MYO9A: variants seen among roughly 807,000 people sequenced by gnomAD.
MYO9A encodes myosin IXA.
A neutral mutation model predicts 293.3 loss-of-function variants in MYO9A; 103 were observed. The ratio of observed to expected loss-of-function variants is 0.35; its 90% CI spans 0.30 to 0.41. MYO9A has a LOEUF of 0.41. MYO9A is among the 10% of genes least tolerant of loss of function. MYO9A has a pLI of 1.00. For synonymous variants in MYO9A, 1,001 were observed against 1,035.7 expected, an observed-to-expected ratio of 0.97 and a Z score of 0.64; for missense variants, 2,685 against 3,033.0, an observed-to-expected ratio of 0.89 and a Z score of 2.69.
chr15:71,949,180 T>C lies in MYO9A; in HGVS notation c.2302+2597A>G, dbSNP rs577940533. ...CGTATTTACCCTGCTTTGTGGTCACTGATCTTCCTGGATCTGTAAGCTAGT... is the reference window on the plus strand; with the variant it reads ...CGTATTTACCCTGCTTTGTGGTCACCGATCTTCCTGGATCTGTAAGCTAGT... On this transcript the variant is annotated intron_variant, in intron 15 of 41. Transcript: ENST00000356056. 4.6e-5 allele frequency among the ~76,000 whole-genome samples: 7 copies of C among 152,282 alleles called. No individual in the cohort carries two copies. The South Asian group carries it at 6.2e-4, about 14-fold the overall frequency.
rs760366720 is a variant in MYO9A at position 72,020,933 on chromosome 15, A to G, written c.1083T>C (p.Tyr361=). ...SAFHLKQPEE[Y]HYLNQITKKP... ...GAACTCTCACCTGATTGAGATAATGATATTCCTCTGGTTGCTTAAGATGGA... is the reference window on the plus strand; with the variant it reads ...GAACTCTCACCTGATTGAGATAATGGTATTCCTCTGGTTGCTTAAGATGGA... The change falls in exon 5 of 42, where the codon TAT becomes TAC. Residue 361 remains tyrosine (Y), a synonymous_variant. Coordinates refer to ENST00000356056, the MANE Select transcript of MYO9A (RefSeq NM_006901.4). 2.6e-6 allele frequency: 4 copies of G among 1,536,150 alleles called. No individual in the cohort carries two copies. The highest frequency in any genetic ancestry group is 3.5e-6 in the Non-Finnish European group (4 of 1,148,246).
In MYO9A at chr15:71,825,346, AATATGCCTACTATACATACAT is replaced by A. The variant is rs2054434212; in HGVS notation, c.*1213_*1233del. The A allele has an allele frequency of 6.6e-6, 1 of 152,202 alleles. No individual in the cohort carries two copies. The highest frequency in any genetic ancestry group is 1.5e-5 in the Non-Finnish European group (1 of 68,046). 9.4% of individuals were successfully genotyped at this position (152,202 alleles called of 1,614,324 possible). On this transcript the variant is annotated 3_prime_UTR_variant, in exon 42 of 42. Transcript: ENST00000356056. ...GGAGGGAAGCACAAGGTTAAAAAGA[AATATGCCTACTATACATACAT>A]ATTTACAATAAACTTCAGTAACCAG...
At chr15:71,900,530 T>G (rs893935650) in intron 23 of MYO9A, among the ~76,000 whole-genome samples, 1 of 152,202 alleles carries the variant, frequency 6.6e-6, no homozygotes, top group Admixed American at 6.5e-5. Context: ...CAGATATGTT[T>G]GGCTAAAACA....
intron 1 of MYO9A, among the ~76,000 whole-genome samples, chr15:72,078,035 T>C (rs1288131049): frequency 6.6e-6 from 1 of 152,118 alleles, no homozygotes; most frequent in African/African-American, 2.4e-5. Flanking sequence ...CAAATGCTAG[T>C]AAGAATGTGG....
intron 6 of MYO9A, among the ~76,000 whole-genome samples, chr15:72,011,129 C>A (rs2077160891): frequency 6.6e-6 from 1 of 151,780 alleles, no homozygotes. Context: ...CCCACCTCAG[C>A]CTCCCAAGCA....
chr15:72,086,539 C>A (rs1160203477), intron 1 of MYO9A, among the ~76,000 whole-genome samples: 1 of 152,024 alleles, frequency 6.6e-6, no homozygotes. Flanking sequence ...TGCACTCACA[C>A]TGGCAGCAGT....
intron 15 of MYO9A, chr15:71,950,107 TC>T (rs1314265261): frequency 6.6e-6 from 1 of 152,156 alleles, no homozygotes; most frequent in Non-Finnish European, 1.5e-5. Flanking sequence ...AGCTGGTAGT[TC>T]CGTTTTTTTT....
intron 13 of MYO9A, 146 bp from the exon 14 acceptor site, chr15:71,960,242 G>C: frequency 1.5e-6 from 1 of 677,700 alleles, no homozygotes; most frequent in Non-Finnish European, 2.5e-6. Context: ...GGCCTGGTAG[G>C]AGGTGTTTGG....
chr15:72,113,351 G>A (rs147437279), intron 1 of MYO9A, among the ~76,000 whole-genome samples: 1 of 152,166 alleles, frequency 6.6e-6, no homozygotes, highest in Non-Finnish European at 1.5e-5. Flanking sequence ...AAAGAAAGGG[G>A]AAAGTGGAAA....
At chr15:71,833,381 G>A (rs2054807545) in intron 39 of MYO9A, among the ~76,000 whole-genome samples, 1 of 152,046 alleles carries the variant, frequency 6.6e-6, no homozygotes, top group African/African-American at 2.4e-5. Context: ...TATTACCTGT[G>A]ATAAAGAGGG....
chr15:72,100,734 G>C (rs929924293), intron 1 of MYO9A, among the ~76,000 whole-genome samples: 2 of 149,724 alleles, frequency 1.3e-5, no homozygotes, highest in African/African-American at 4.9e-5. Context: ...CAACCACCCC[G>C]TCTGAGAAGT....
In MYO9A at chr15:72,060,239, CCT is replaced by C. The variant is rs2078842406; in HGVS notation, c.-71-13607_-71-13606del. Reference sequence around the variant, plus strand: ...CCACTGTCTTCTTTTTCCCCTTCCACCTCTCTTTGCCTGTAAGATGTACTGTA... The same window carrying C: ...CCACTGTCTTCTTTTTCCCCTTCCACCTCTTTGCCTGTAAGATGTACTGTA... On this transcript the variant is annotated intron_variant, in intron 1 of 41. Transcript: ENST00000356056. Among the ~76,000 whole-genome samples the C allele has an allele frequency of 2.0e-5, 3 of 152,060 alleles. No homozygotes were observed. In the South Asian group the frequency reaches 6.2e-4, roughly 32 times the overall value.
At chr15:71,903,574 C>G (rs145511289) in intron 21 of MYO9A, among the ~76,000 whole-genome samples, 229 of 152,290 alleles carry the variant, frequency 1.5e-3, no homozygotes, top group African/African-American at 4.8e-3. Flanking sequence ...GCTGAGAAAA[C>G]TTTAGGGAAA....
intron 6 of MYO9A, among the ~76,000 whole-genome samples, chr15:72,011,716 ATAAG>A (rs2077179830): frequency 6.6e-6 from 1 of 152,238 alleles, no homozygotes; most frequent in Non-Finnish European, 1.5e-5. Flanking sequence ...CTTCAAAACA[ATAAG>A]TGAGTCATAA....
intron 3 of MYO9A, among the ~76,000 whole-genome samples, chr15:72,029,530 T>C (rs559623224): frequency 6.6e-6 from 1 of 152,310 alleles, no homozygotes; most frequent in African/African-American, 2.4e-5. Context: ...TAAAATCTCA[T>C]AGGACTACCA....
intron 18 of MYO9A, among the ~76,000 whole-genome samples, chr15:71,924,183 C>A (rs886847154): frequency 2.6e-5 from 4 of 151,806 alleles, no homozygotes; most frequent in Non-Finnish European, 5.9e-5. Context: ...CTAGTTTAAT[C>A]CCTTGTCACA....
chr15:71,978,147 A>T (rs779741244), intron 12 of MYO9A, 24 bp downstream of exon 12: 2 of 1,608,446 alleles, frequency 1.2e-6, no homozygotes, highest in East Asian at 4.5e-5. Context: ...AGCCAATAAC[A>T]AAATTGAAAA....
chr15:71,985,149 A>T (rs985784308), intron 11 of MYO9A, among the ~76,000 whole-genome samples: 3 of 152,064 alleles, frequency 2.0e-5, no homozygotes, highest in African/African-American at 7.2e-5. Context: ...TGAACTCCTG[A>T]CCTCAAGTGA....
intron 1 of MYO9A, among the ~76,000 whole-genome samples, chr15:72,099,780 T>C (rs1204019138): frequency 6.6e-6 from 1 of 151,418 alleles, no homozygotes; most frequent in Non-Finnish European, 1.5e-5. Context: ...CATGCGCCTG[T>C]AGTCCCAGCT....
Sources: allele counts gnomAD v4.1 joint callset (sites outside exome capture counted in the v4.1 genomes callset), GRCh38; gene constraint gnomAD v4.1.1; transcripts MANE v1.5; gene names NCBI Gene and HGNC (gene_info 2026-07-23, HGNC 2026-07-21).